POLH: variants seen among roughly 807,000 people sequenced by gnomAD.
POLH encodes DNA polymerase eta transcript.
In POLH, 53 loss-of-function variants were observed where a neutral mutation model predicts 73.6. The observed-to-expected ratio is 0.72, with a 90% CI of 0.58 to 0.91. The LOEUF is 0.91. POLH is among the 40% of genes least tolerant of loss of function. The probability of loss-of-function intolerance (pLI) is 0.00; values close to 1 mark genes in which losing one functional copy is unlikely to be tolerated. For missense variants in POLH, 768 were observed against 865.4 expected (o/e 0.89, Z 1.41); for synonymous variants, 292 against 308.5 (o/e 0.95, Z 0.56).
chr6:43,597,552 T>G (rs766329701), intron 4 of POLH, 144 bp from the exon 5 acceptor site: 2 of 706,714 alleles, frequency 2.8e-6, no homozygotes, highest in South Asian at 3.4e-5. Flanking sequence ...AGCTCTCTTA[T>G]AATTGGTCTT....
At chr6:43,596,211 C>T (rs375847255) in intron 4 of POLH, among the ~76,000 whole-genome samples, 4 of 152,126 alleles carry the variant, frequency 2.6e-5, no homozygotes, top group African/African-American at 9.7e-5. Flanking sequence ...TTGCCAGGCG[C>T]GGTGGCTCAG....
rs556606143 is a variant in POLH at position 43,618,577 on chromosome 6, G to A, written c.*4020G>A. ...AAGAAAATGAACTGAAGTAGGTGGC[G>A]CTGGGTGAAGTGGGCCCAGAGAATG... On this transcript the variant is annotated 3_prime_UTR_variant, in exon 11 of 11. Transcript: ENST00000372236. Among the ~76,000 whole-genome samples the A allele has an allele frequency of 7.2e-5, 11 of 152,184 alleles. No individual in the cohort carries two copies. The highest frequency in any genetic ancestry group is 1.3e-4 in the Non-Finnish European group (9 of 68,026).
chr6:43,593,878 CAAAAAAAAAAAAA>C (rs768129925), intron 4 of POLH, among the ~76,000 whole-genome samples: 4 of 85,186 alleles, frequency 4.7e-5, no homozygotes, highest in Non-Finnish European at 1.1e-4. Context: ...GACTCCGTCT[CAAAAAAAAAAAAA>C]AAAAAAAAGA....
chr6:43,610,664 G>A lies in POLH; in HGVS notation c.1185G>A (p.Met395Ile). The change falls in exon 10 of 11, where the codon ATG becomes ATA. Residue 395 changes from methionine (M) to isoleucine (I), a missense_variant. Coordinates refer to ENST00000372236, the MANE Select transcript of POLH (RefSeq NM_006502.3). ...TTACCCGCTATGATGCTCACAAGAT[G>A]AGCCATGATGCATTTACTGTCATCA... Reference protein sequence around the residue: ...CALTRYDAHKMSHDAFTVIKN... With the variant: ...CALTRYDAHKISHDAFTVIKN... 6.2e-7 allele frequency: 1 copy of A among 1,613,686 alleles called. No homozygotes were observed. The highest frequency in any genetic ancestry group is 8.5e-7 in the Non-Finnish European group (1 of 1,179,936).
intron 2 of POLH, 26 bp from the exon 3 acceptor site, chr6:43,582,979 TTC>T (rs1266613457): frequency 1.9e-6 from 3 of 1,600,164 alleles, no homozygotes; most frequent in African/African-American, 1.3e-5. Flanking sequence ...ATAATATGTT[TTC>T]TGTTTCCTTT....
At chr6:43,604,804 T>C in intron 8 of POLH, 66 bp downstream of exon 8, 1 of 1,563,816 alleles carries the variant, frequency 6.4e-7, no homozygotes, top group Non-Finnish European at 8.8e-7. Context: ...TTTTGGTAGC[T>C]GTGGAAGGTT....
At position 43,618,485 on chromosome 6, in the gene POLH, T is replaced by C. The variant is rs1343658881; in HGVS notation, c.*3928T>C. Among the ~76,000 whole-genome samples, 2 of 151,894 alleles carry C rather than the reference T, an allele frequency of 1.3e-5. No homozygotes were observed. The highest frequency in any genetic ancestry group is 4.8e-5 in the African/African-American group (2 of 41,362). On this transcript the variant is annotated 3_prime_UTR_variant, in exon 11 of 11. Coordinates refer to ENST00000372236, the MANE Select transcript of POLH (RefSeq NM_006502.3). ...TGTATTCTTATTCTCCACTCTTGTG[T>C]GTGAAAAGTCAGCTCTTTTGGCTTT...
chr6:43,606,445 T>C (rs1303423607), intron 9 of POLH, among the ~76,000 whole-genome samples: 2 of 152,100 alleles, frequency 1.3e-5, no homozygotes, highest in African/African-American at 2.4e-5. Context: ...CTTTTTTTTT[T>C]TGAGACTGAG....
intron 3 of POLH, among the ~76,000 whole-genome samples, chr6:43,585,141 G>A (rs1764660214): frequency 6.6e-6 from 1 of 152,138 alleles, no homozygotes; most frequent in Non-Finnish European, 1.5e-5. Flanking sequence ...CTGGGCAACA[G>A]TGAGATCCTG....
At chr6:43,601,647 G>A (rs919641576) in intron 6 of POLH, among the ~76,000 whole-genome samples, 1 of 152,188 alleles carries the variant, frequency 6.6e-6, no homozygotes, top group Non-Finnish European at 1.5e-5. Context: ...AATGAGCCAG[G>A]TGTGGTGGCT....
At chr6:43,599,939 A>AGCCTC (rs1766539201) in intron 5 of POLH, among the ~76,000 whole-genome samples, 2 of 152,016 alleles carry the variant, frequency 1.3e-5, no homozygotes, top group Admixed American at 6.6e-5. Flanking sequence ...CTGGTGGATC[A>AGCCTC]CCTGAGGTTG....
Position 43,620,427 on chromosome 6 carries a change from T to C in POLH, c.*5870T>C. ...GCAGTGTTGGGGTTTCACTTGTCTC[T>C]AATCCTGAAGAGGTATCTAGCCCTG... On this transcript the variant is annotated 3_prime_UTR_variant, in exon 11 of 11. Coordinates refer to ENST00000372236, the MANE Select transcript of POLH (RefSeq NM_006502.3). 4.8e-6 allele frequency: 2 copies of C among 417,696 alleles called. No individual in the cohort carries two copies. Among genetic ancestry groups the C allele is most frequent in the Non-Finnish European group, 9.3e-6 (2 of 215,914 alleles). 25.9% of individuals were successfully genotyped at this position (417,696 alleles called of 1,614,324 possible). A position where few individuals can be genotyped will look rare whatever the true frequency, so the allele number is the denominator to read the frequency against.
chr6:43,579,898 CTTTT>C (rs112592108), intron 1 of POLH, among the ~76,000 whole-genome samples: 1 of 137,022 alleles, frequency 7.3e-6, no homozygotes, highest in Non-Finnish European at 1.6e-5. Flanking sequence ...GTGAAAGAAT[CTTTT>C]TTTTTTTTTT....
chr6:43,591,212 G>T (rs1221336126), intron 4 of POLH: 1 of 152,136 alleles, frequency 6.6e-6, no homozygotes, highest in East Asian at 1.9e-4. Context: ...TTTGATATTT[G>T]ATATTTTATT....
At position 43,616,005 on chromosome 6, in the gene POLH, T is replaced by A. The variant is rs1222659655; in HGVS notation, c.*1448T>A. On this transcript the variant is annotated 3_prime_UTR_variant, in exon 11 of 11. Transcript: ENST00000372236. ...AAAAGGATTTTAAGAAAAACTTCTC[T>A]TGGCCGGGCGCAGTGGCTCACGCCT... Among the ~76,000 whole-genome samples the A allele has an allele frequency of 6.6e-6, 1 of 151,988 alleles. No individual in the cohort carries two copies. Among genetic ancestry groups the A allele is most frequent in the East Asian group, 1.9e-4 (1 of 5,142 alleles).
intron 5 of POLH, among the ~76,000 whole-genome samples, chr6:43,600,178 G>A (rs559896671): frequency 2.1e-3 from 313 of 151,446 alleles, no homozygotes; most frequent in Non-Finnish European, 3.6e-3. Flanking sequence ...AAAAGAAAAA[G>A]AGTTCTCTTG....
In POLH at chr6:43,620,519, CAATA is replaced by C. The variant is rs1768646125; in HGVS notation, c.*5963_*5966del. Reference sequence around the variant, plus strand: ...TTCAATAAAACATTTTTATTCTGTACAATATATATGTGTATTTAAATATATATAC... The same window carrying C: ...TTCAATAAAACATTTTTATTCTGTACTATATGTGTATTTAAATATATATAC... On this transcript the variant is annotated 3_prime_UTR_variant, in exon 11 of 11. Coordinates refer to ENST00000372236, the MANE Select transcript of POLH (RefSeq NM_006502.3). 3.6e-6 allele frequency: 1 copy of C among 276,346 alleles called. No homozygotes were observed. The highest frequency in any genetic ancestry group is 7.0e-6 in the Non-Finnish European group (1 of 142,022). The allele number at this position is 276,346 out of a possible 1,614,324, so 17.1% of individuals were successfully genotyped here. A position where few individuals can be genotyped will look rare whatever the true frequency, so the allele number is the denominator to read the frequency against.
chr6:43,591,360 C>A lies in POLH; in HGVS notation c.490+3871C>A, dbSNP rs1360573124. On this transcript the variant is annotated intron_variant, in intron 4 of 10. Transcript: ENST00000372236. ...TGCAACACTGATTTTTTTGGTGTCA[C>A]CCAGGCTGGAATGCAGTTGTGAGAT... The A allele has an allele frequency of 3.9e-5, 6 of 152,218 alleles. No individual in the cohort carries two copies. In the East Asian group the frequency reaches 7.7e-4, roughly 20 times the overall value. The allele number at this position is 152,218 out of a possible 1,614,324, so 9.4% of individuals were successfully genotyped here. A position where few individuals can be genotyped will look rare whatever the true frequency, so the allele number is the denominator to read the frequency against.
At chr6:43,597,081 G>T (rs1287385714) in intron 4 of POLH, among the ~76,000 whole-genome samples, 2 of 152,084 alleles carry the variant, frequency 1.3e-5, no homozygotes, top group Non-Finnish European at 2.9e-5. Context: ...AAATTCAAGA[G>T]AACTGGGGAG....
Sources: gnomAD v4.1 joint callset for allele counts (sites outside exome capture counted in the v4.1 genomes callset) on GRCh38, gnomAD v4.1.1 for gene constraint, MANE v1.5 for transcripts, NCBI Gene and HGNC (gene_info 2026-07-23, HGNC 2026-07-21) for gene names.